PDE8B: variants seen among roughly 807,000 people sequenced by gnomAD.
The protein encoded by PDE8B is high affinity cAMP-specific and IBMX-insensitive 3',5'-cyclic phosphodiesterase 8B.
PDE8B carries 26 observed loss-of-function variants against 101.3 expected under a neutral mutation model. That is an observed-to-expected ratio of 0.26 (90% confidence interval 0.19 to 0.36). PDE8B has a LOEUF of 0.36. PDE8B is among the 10% of genes least tolerant of loss of function. PDE8B has a pLI of 1.00. For missense variants in PDE8B, 810 were observed against 1,163.1 expected (o/e 0.70, Z 4.42); for synonymous variants, 424 against 429.3 (o/e 0.99, Z 0.15).
At chr5:77,230,570 G>A (rs760838346) in intron 1 of PDE8B, among the ~76,000 whole-genome samples, 5 of 152,244 alleles carry the variant, frequency 3.3e-5, no homozygotes, top group East Asian at 1.9e-4. Context: ...AGGTTCAAGC[G>A]ATTCTCCTGC....
chr5:77,389,892 A>G (rs1789550313), intron 10 of PDE8B, among the ~76,000 whole-genome samples: 1 of 152,156 alleles, frequency 6.6e-6, no homozygotes, highest in South Asian at 2.1e-4. Context: ...TGCTTTGAAC[A>G]TTCTTGGACA....
chr5:77,268,417 AC>A (rs1762155546), intron 1 of PDE8B, among the ~76,000 whole-genome samples: 1 of 152,010 alleles, frequency 6.6e-6, no homozygotes, highest in African/African-American at 2.4e-5. Context: ...GACTATAATC[AC>A]CCTGTTGTGC....
At chr5:77,395,128 C>CT (rs1233999101) in intron 10 of PDE8B, among the ~76,000 whole-genome samples, 2 of 151,870 alleles carry the variant, frequency 1.3e-5, no homozygotes, top group Middle Eastern at 3.2e-3. Flanking sequence ...CATTCAATTT[C>CT]TTTTTTGAGA....
At chr5:77,111,047 C>T in the PDE8B span, among the ~76,000 whole-genome samples, 1 of 152,196 alleles carries the variant, frequency 6.6e-6, no homozygotes, top group Non-Finnish European at 1.5e-5. Context: ...TAACATTGTA[C>T]TTAATGCTAC....
intron 1 of PDE8B, among the ~76,000 whole-genome samples, chr5:77,289,091 C>G (rs947507214): frequency 2.0e-5 from 3 of 152,124 alleles, no homozygotes; most frequent in Non-Finnish European, 2.9e-5. Context: ...ATAGACACGT[C>G]CACACTGAGA....
intron 1 of PDE8B, among the ~76,000 whole-genome samples, chr5:77,269,621 G>A (rs1762399565): frequency 6.6e-6 from 1 of 152,144 alleles, no homozygotes; most frequent in Non-Finnish European, 1.5e-5. Context: ...TTAGATTTAA[G>A]CCTTTAATCC....
At chr5:77,157,832 G>C in the PDE8B span, among the ~76,000 whole-genome samples, 2 of 152,164 alleles carry the variant, frequency 1.3e-5, no homozygotes, top group Admixed American at 6.5e-5. Flanking sequence ...CCCTGTTTAG[G>C]ACAGCATGGG....
chr5:77,222,407 A>C (rs928816564), intron 1 of PDE8B, among the ~76,000 whole-genome samples: 1 of 152,152 alleles, frequency 6.6e-6, no homozygotes, highest in Non-Finnish European at 1.5e-5. Context: ...GTGGATCACG[A>C]GGTCAGGAGT....
intron 1 of PDE8B, among the ~76,000 whole-genome samples, chr5:77,297,940 T>A (rs1226320595): frequency 6.6e-6 from 1 of 152,222 alleles, no homozygotes; most frequent in African/African-American, 2.4e-5. Context: ...TTTCTCTGGC[T>A]TCATGGTCAT....
chr5:77,228,654 A>G (rs1752934293), intron 1 of PDE8B, among the ~76,000 whole-genome samples: 1 of 152,162 alleles, frequency 6.6e-6, no homozygotes, highest in Admixed American at 6.5e-5. Flanking sequence ...TTCTGTGTAA[A>G]CCATGTGTGG....
chr5:77,244,642 GCTCT>G (rs200515907), intron 1 of PDE8B, among the ~76,000 whole-genome samples: 1 of 151,230 alleles, frequency 6.6e-6, no homozygotes, highest in Non-Finnish European at 1.5e-5. Context: ...TTTTTTAAGT[GCTCT>G]CTCTCTCTCT....
chr5:77,200,563 TAAA>T, the PDE8B span, among the ~76,000 whole-genome samples: 8 of 152,108 alleles, frequency 5.3e-5, no homozygotes, highest in African/African-American at 1.9e-4. Context: ...GGCTTTTTTT[TAAA>T]AAATTTTGTT....
chr5:77,188,590 C>T, the PDE8B span, among the ~76,000 whole-genome samples: 1 of 152,180 alleles, frequency 6.6e-6, no homozygotes. Flanking sequence ...AGCTCACCCA[C>T]TGATCTCTGC....
the PDE8B span, among the ~76,000 whole-genome samples, chr5:77,092,849 G>A: frequency 6.6e-6 from 1 of 152,182 alleles, no homozygotes; most frequent in Non-Finnish European, 1.5e-5. Flanking sequence ...GAGCTCAGGA[G>A]ATGAAGGCTG....
intron 10 of PDE8B, among the ~76,000 whole-genome samples, chr5:77,377,883 T>A (rs1035559943): frequency 6.6e-6 from 1 of 152,202 alleles, no homozygotes; most frequent in Non-Finnish European, 1.5e-5. Context: ...TCGGGACTTA[T>A]GCTACTGCCT....
At chr5:77,184,007 G>C in the PDE8B span, among the ~76,000 whole-genome samples, 2 of 150,006 alleles carry the variant, frequency 1.3e-5, no homozygotes, top group Non-Finnish European at 2.9e-5. Flanking sequence ...TCCCTCTGTT[G>C]TCCAGGCTGG....
the PDE8B span, among the ~76,000 whole-genome samples, chr5:77,197,712 T>C: frequency 6.7e-6 from 1 of 149,702 alleles, no homozygotes; most frequent in African/African-American, 2.5e-5. Flanking sequence ...AAAATCCAGC[T>C]CCTGGTTAAT....
chr5:77,160,926 T>C, the PDE8B span, among the ~76,000 whole-genome samples: 1 of 152,242 alleles, frequency 6.6e-6, no homozygotes, highest in African/African-American at 2.4e-5. Flanking sequence ...GTGCTAGGAT[T>C]ACAGGCATGA....
chr5:77,304,082 C>G (rs937438660), intron 1 of PDE8B, among the ~76,000 whole-genome samples: 2 of 152,166 alleles, frequency 1.3e-5, no homozygotes, highest in Non-Finnish European at 2.9e-5. Flanking sequence ...ATATATACTT[C>G]TTCGTCTTCA....
Sources: allele counts gnomAD v4.1 joint callset (sites outside exome capture counted in the v4.1 genomes callset), GRCh38; gene constraint gnomAD v4.1.1; transcripts MANE v1.5; gene names NCBI Gene and HGNC (gene_info 2026-07-23, HGNC 2026-07-21).